Variants in HADH observed in about 807,000 individuals in gnomAD.
HADH encodes hydroxyacyl-CoA dehydrogenase.
In HADH, 24 loss-of-function variants were observed where a neutral mutation model predicts 32.2. The observed-to-expected ratio is 0.75, with a 90% CI of 0.54 to 1.05. HADH has a LOEUF of 1.05. HADH is among the 50% of genes least tolerant of loss of function. The probability of loss-of-function intolerance (pLI) is 0.00; values close to 1 mark genes in which losing one functional copy is unlikely to be tolerated. For missense variants in HADH, 350 were observed against 397.1 expected, an observed-to-expected ratio of 0.88 and a Z score of 1.01; for synonymous variants, 139 against 152.5, an observed-to-expected ratio of 0.91 and a Z score of 0.65.
At chr4:108,031,020 T>C in intron 6 of HADH, 1 of 152,248 alleles carries the variant, frequency 6.6e-6, no homozygotes, top group East Asian at 1.9e-4. Flanking sequence ...AATATGGAAT[T>C]ACAGCGTTGC....
chr4:108,001,280 A>G (rs936858615), intron 1 of HADH, among the ~76,000 whole-genome samples: 1 of 152,200 alleles, frequency 6.6e-6, no homozygotes, highest in Admixed American at 6.5e-5. Flanking sequence ...ACTGCAGCTT[A>G]GATAGATTAT....
chr4:108,023,389 G>A (rs1419356804), intron 4 of HADH, 85 bp from the exon 5 acceptor site: 1 of 815,792 alleles, frequency 1.2e-6, no homozygotes, highest in Non-Finnish European at 2.2e-6. Context: ...CCTATATGGA[G>A]CCTTTTGATC....
chr4:108,012,769 C>A (rs1735543995), intron 2 of HADH, among the ~76,000 whole-genome samples: 1 of 152,154 alleles, frequency 6.6e-6, no homozygotes, highest in Non-Finnish European at 1.5e-5. Context: ...ACATTGATTT[C>A]TTTATTACAG....
chr4:108,017,598 G>C (rs1190550185), intron 3 of HADH, among the ~76,000 whole-genome samples: 1 of 151,274 alleles, frequency 6.6e-6, no homozygotes, highest in Non-Finnish European at 1.5e-5. Flanking sequence ...CTGTCGCCCA[G>C]GCTGGAGTGC....
chr4:108,000,122 G>A (rs1233635380), intron 1 of HADH, among the ~76,000 whole-genome samples: 1 of 152,154 alleles, frequency 6.6e-6, no homozygotes, highest in Admixed American at 6.5e-5. Flanking sequence ...AGTGGATGAT[G>A]CAACAGCACT....
chr4:107,990,177 C>T, intron 1 of HADH, 113 bp downstream of exon 1: 1 of 1,082,130 alleles, frequency 9.2e-7, no homozygotes, highest in Non-Finnish European at 1.3e-6. Context: ...AGGGAGTTTT[C>T]ACCCCGCGCC....
At chr4:108,014,094 G>A (rs1456338695) in intron 2 of HADH, among the ~76,000 whole-genome samples, 1 of 152,206 alleles carries the variant, frequency 6.6e-6, no homozygotes, top group East Asian at 1.9e-4. Context: ...GCTGTGTCTA[G>A]CTTGTTTCGG....
At position 108,034,781 on chromosome 4, in the gene HADH, G is replaced by A. The variant is rs1736404830; in HGVS notation, c.*424G>A. 2 of 321,128 alleles carry A rather than the reference G, an allele frequency of 6.2e-6. No homozygotes were observed. Among genetic ancestry groups the A allele is most frequent in the South Asian group, 5.5e-5 (2 of 36,588 alleles). 19.9% of individuals were successfully genotyped at this position (321,128 alleles called of 1,614,324 possible). A position where few individuals can be genotyped will look rare whatever the true frequency, so the allele number is the denominator to read the frequency against. On this transcript the variant is annotated 3_prime_UTR_variant, in exon 8 of 8. Coordinates refer to ENST00000309522, the MANE Select transcript of HADH (RefSeq NM_005327.7). ...GCAAGCAAGTGGTATAGTCTGTGAA[G>A]CACTGCAGCGAGCAGCACCTGGATC...
intron 1 of HADH, among the ~76,000 whole-genome samples, chr4:108,006,834 A>T (rs540480562): frequency 2.6e-5 from 4 of 152,124 alleles, no homozygotes; most frequent in African/African-American, 9.7e-5. Context: ...TATTACTGTG[A>T]CTTTAATTTG....
At chr4:107,998,384 A>G (rs984509266) in intron 1 of HADH, among the ~76,000 whole-genome samples, 6 of 152,142 alleles carry the variant, frequency 3.9e-5, no homozygotes, top group African/African-American at 9.7e-5. Context: ...GGTTCAAGCA[A>G]TTCTTCTGCC....
intron 6 of HADH, 71 bp downstream of exon 6, chr4:108,027,831 C>A: frequency 1.1e-6 from 1 of 910,206 alleles, no homozygotes; most frequent in Non-Finnish European, 1.8e-6. Context: ...TTCTCAGTGT[C>A]TCTAGGAGGG....
chr4:108,013,279 G>A (rs1735568171), intron 2 of HADH, among the ~76,000 whole-genome samples: 2 of 152,202 alleles, frequency 1.3e-5, no homozygotes, highest in Admixed American at 6.5e-5. Flanking sequence ...TGCAGGGGAT[G>A]TTATGAGGAG....
At chr4:107,993,836 A>G (rs931786345) in intron 1 of HADH, among the ~76,000 whole-genome samples, 4 of 152,192 alleles carry the variant, frequency 2.6e-5, no homozygotes, top group African/African-American at 9.7e-5. Flanking sequence ...TTGCTAATTT[A>G]TCTTCACTGG....
intron 3 of HADH, 118 bp from the exon 4 acceptor site, chr4:108,019,414 TTCCCCCAA>T: frequency 1.2e-6 from 1 of 822,172 alleles, no homozygotes; most frequent in South Asian, 1.3e-5. Context: ...TTCTCCCTCA[TTCCCCCAA>T]TGGGTCAGGA....
intron 2 of HADH, 51 bp downstream of exon 2, chr4:108,009,938 A>G (rs1214114787): frequency 7.9e-7 from 1 of 1,269,646 alleles, no homozygotes; most frequent in Admixed American, 1.7e-5. Context: ...ACTGCTTTAC[A>G]TTTGCAGGGC....
At chr4:107,995,304 G>T (rs1435491526) in intron 1 of HADH, among the ~76,000 whole-genome samples, 1 of 152,048 alleles carries the variant, frequency 6.6e-6, no homozygotes, top group African/African-American at 2.4e-5. Context: ...TACTTACCTG[G>T]GAATAATGAG....
rs182921328 is a variant in HADH at position 107,997,891 on chromosome 4, G to A, written c.132+7827G>A. On this transcript the variant is annotated intron_variant, in intron 1 of 7. Transcript: ENST00000309522. The stretch of plus-strand genomic sequence containing the variant: ...GCCTTCTCCATCCCAGAAAGTTGGC[G>A]GTAACTTGGGTGTTACTGAATTACT... 2.9e-3 allele frequency among the ~76,000 whole-genome samples: 437 copies of A among 152,128 alleles called. 3 individuals carry two copies. Among genetic ancestry groups the A allele is most frequent in the Middle Eastern group, 0.017 (5 of 294 alleles).
intron 2 of HADH, among the ~76,000 whole-genome samples, chr4:108,011,768 T>A (rs922806616): frequency 1.3e-5 from 2 of 152,242 alleles, no homozygotes; most frequent in African/African-American, 4.8e-5. Context: ...CCACCAGCAA[T>A]GTACGAAGGT....
At chr4:108,022,578 C>T (rs1178146258) in intron 4 of HADH, among the ~76,000 whole-genome samples, 1 of 152,172 alleles carries the variant, frequency 6.6e-6, no homozygotes, top group Non-Finnish European at 1.5e-5. Context: ...GAGAAATACT[C>T]AGGAATCCAG....
Sources: gnomAD v4.1 joint callset for allele counts (sites outside exome capture counted in the v4.1 genomes callset) on GRCh38, gnomAD v4.1.1 for gene constraint, MANE v1.5 for transcripts, NCBI Gene and HGNC (gene_info 2026-07-23, HGNC 2026-07-21) for gene names.